Variants in LRP1B observed in about 807,000 individuals in gnomAD.
LRP1B encodes the protein LDL receptor related protein 1B.
Under a neutral mutation model 556.6 loss-of-function variants are expected in LRP1B, and 217 were observed. The observed-to-expected ratio is 0.39, with a 90% CI of 0.35 to 0.44. The LOEUF (loss-of-function observed/expected upper bound fraction) is 0.44. LRP1B is among the 20% of genes least tolerant of loss of function. The pLI, the probability that LRP1B is intolerant of heterozygous loss-of-function variation, is 1.00. For missense variants in LRP1B, 5,053 were observed against 5,620.8 expected (o/e 0.90, Z 3.23); for synonymous variants, 2,047 against 1,865.8 (o/e 1.10, Z -2.50).
intron 25 of LRP1B, 96 bp from the exon 26 acceptor site, chr2:140,868,359 AGGTGAT>A: frequency 8.7e-7 from 1 of 1,148,662 alleles, no homozygotes; most frequent in Non-Finnish European, 1.2e-6. Context: ...GGCACTGGAT[AGGTGAT>A]AAGTCACAAG....
Position 141,822,128 on chromosome 2 carries a change from C to CAGAGAGAGAGAGAGAG in LRP1B, c.83-11728_83-11727insCTCTCTCTCTCTCTCT, listed in dbSNP as rs1364248949. 3.8e-3 allele frequency among the ~76,000 whole-genome samples: 444 copies of CAGAGAGAGAGAGAGAG among 117,072 alleles called. 5 individuals carry two copies. Among genetic ancestry groups the CAGAGAGAGAGAGAGAG allele is most frequent in the African/African-American group, 9.7e-3 (259 of 26,610 alleles). The allele number at this position is 117,072 out of a possible 152,430, so 76.8% of individuals were successfully genotyped here. A position where few individuals can be genotyped will look rare whatever the true frequency, so the allele number is the denominator to read the frequency against. ...ACACACACACACACACACACACACA[C>CAGAGAGAGAGAGAGAG]ACAGAGAGAGAGAGAGAGAGAGAGA... On this transcript the variant is annotated intron_variant, in intron 1 of 90. Coordinates refer to ENST00000389484, the MANE Select transcript of LRP1B (RefSeq NM_018557.3).
At chr2:140,844,890 A>G (rs1692227919) in intron 29 of LRP1B, among the ~76,000 whole-genome samples, 1 of 152,196 alleles carries the variant, frequency 6.6e-6, no homozygotes, top group African/African-American at 2.4e-5. Context: ...AAGTGGGTGC[A>G]ATTATAGAGA....
chr2:140,784,752 G>C (rs867541854), intron 32 of LRP1B, among the ~76,000 whole-genome samples: 19 of 151,424 alleles, frequency 1.3e-4, no homozygotes, highest in Non-Finnish European at 2.4e-4. Context: ...TGAACTCTGA[G>C]AAATTAAAAG....
chr2:140,391,862 G>T (rs1349911824), intron 66 of LRP1B, among the ~76,000 whole-genome samples: 1 of 152,110 alleles, frequency 6.6e-6, no homozygotes, highest in Non-Finnish European at 1.5e-5. Flanking sequence ...AAATGAAACA[G>T]AATTATTCTA....
chr2:141,564,181 T>C (rs1686255485), intron 2 of LRP1B, among the ~76,000 whole-genome samples: 1 of 152,110 alleles, frequency 6.6e-6, no homozygotes, highest in Non-Finnish European at 1.5e-5. Flanking sequence ...TGAAAAAGAT[T>C]CTAGTACATA....
chr2:141,482,106 A>T (rs879407858), intron 2 of LRP1B, among the ~76,000 whole-genome samples: 1 of 152,172 alleles, frequency 6.6e-6, no homozygotes, highest in Non-Finnish European at 1.5e-5. Context: ...AGAATTGCAG[A>T]AGTTTGCAAT....
At chr2:140,993,310 G>A (rs1249343415) in intron 16 of LRP1B, among the ~76,000 whole-genome samples, 1 of 152,012 alleles carries the variant, frequency 6.6e-6, no homozygotes, top group Non-Finnish European at 1.5e-5. Flanking sequence ...CTTAGCCAGT[G>A]ACTCTAATCA....
At chr2:140,837,151 T>C (rs1691934071) in intron 31 of LRP1B, among the ~76,000 whole-genome samples, 1 of 152,224 alleles carries the variant, frequency 6.6e-6, no homozygotes, top group Non-Finnish European at 1.5e-5. Flanking sequence ...GGGCCAGATG[T>C]CTTGCTTCAT....
intron 32 of LRP1B, among the ~76,000 whole-genome samples, chr2:140,800,013 G>C (rs1488587502): frequency 6.6e-6 from 1 of 152,088 alleles, no homozygotes; most frequent in Non-Finnish European, 1.5e-5. Flanking sequence ...GTCCATCAAT[G>C]ATAGACTAGA....
rs556802473 is a variant in LRP1B, at chr2:141,677,283, G to A, written c.205+132996C>T. On this transcript the variant is annotated intron_variant, in intron 2 of 90. Transcript: ENST00000389484. Reference sequence around the variant, plus strand: ...AAAAGAGGAACCCAGGGTGGTTAGAGAAATGAAGTGAAGGGAAACAGAGGC... The same window carrying A: ...AAAAGAGGAACCCAGGGTGGTTAGAAAAATGAAGTGAAGGGAAACAGAGGC... Among the ~76,000 whole-genome samples, 15 of 152,170 alleles carry A rather than the reference G, an allele frequency of 9.9e-5. No individual in the cohort carries two copies. The East Asian group carries it at 2.9e-3, about 29-fold the overall frequency.
In LRP1B at chr2:141,431,806, T is replaced by C. The variant is rs192303051; in HGVS notation, c.343+48590A>G. On this transcript the variant is annotated intron_variant, in intron 3 of 90. Transcript: ENST00000389484. ...TACAGAAATATAATTGATTTTTGTA[T>C]GCTAATCTTGGGTCCTACAAGCTGT... 1.6e-3 allele frequency among the ~76,000 whole-genome samples: 244 copies of C among 152,286 alleles called. 1 individual carries two copies. Among genetic ancestry groups the C allele is most frequent in the Non-Finnish European group, 2.8e-3 (192 of 68,016 alleles).
chr2:141,444,987 G>A (rs1444323752), intron 3 of LRP1B, among the ~76,000 whole-genome samples: 1 of 152,162 alleles, frequency 6.6e-6, no homozygotes, highest in Non-Finnish European at 1.5e-5. Flanking sequence ...GTTTGCAATA[G>A]TTTCAGAAGG....
At chr2:141,708,788 A>T (rs992401722) in intron 2 of LRP1B, among the ~76,000 whole-genome samples, 2 of 152,102 alleles carry the variant, frequency 1.3e-5, no homozygotes, top group Non-Finnish European at 2.9e-5. Context: ...CCGTGTTGTT[A>T]TAAGAAGAAA....
At chr2:141,601,646 T>TTC in intron 2 of LRP1B, among the ~76,000 whole-genome samples, 1 of 104,730 alleles carries the variant, frequency 9.5e-6, no homozygotes, top group Non-Finnish European at 1.9e-5. Context: ...TTCCTTCCTT[T>TTC]TTTTTTCCTT....
intron 2 of LRP1B, among the ~76,000 whole-genome samples, chr2:141,537,946 G>A (rs1202213783): frequency 6.6e-6 from 1 of 152,010 alleles, no homozygotes; most frequent in Non-Finnish European, 1.5e-5. Flanking sequence ...TGAGGGATCC[G>A]CTCCCAACCA....
chr2:141,901,541 A>G (rs1485756546), intron 1 of LRP1B, among the ~76,000 whole-genome samples: 1 of 151,958 alleles, frequency 6.6e-6, no homozygotes, highest in African/African-American at 2.4e-5. Context: ...TTAAATAATA[A>G]TTTGATCATC....
chr2:141,580,407 T>C (rs1429236463), intron 2 of LRP1B, among the ~76,000 whole-genome samples: 2 of 152,210 alleles, frequency 1.3e-5, no homozygotes, highest in South Asian at 4.1e-4. Context: ...AAATACATGA[T>C]CTCTAAATAA....
intron 3 of LRP1B, among the ~76,000 whole-genome samples, chr2:141,464,424 T>A (rs1397405277): frequency 6.6e-6 from 1 of 151,190 alleles, no homozygotes; most frequent in Non-Finnish European, 1.5e-5. Context: ...TGTGACTTTT[T>A]TTTTTTGAGA....
At chr2:140,895,868 C>A (rs1014513421) in intron 23 of LRP1B, among the ~76,000 whole-genome samples, 1 of 152,172 alleles carries the variant, frequency 6.6e-6, no homozygotes, top group Non-Finnish European at 1.5e-5. Flanking sequence ...CAACGCCAAG[C>A]TGTTTTTTTC....
Sources: allele counts gnomAD v4.1 joint callset (sites outside exome capture counted in the v4.1 genomes callset), GRCh38; gene constraint gnomAD v4.1.1; transcripts MANE v1.5; gene names NCBI Gene and HGNC (gene_info 2026-07-23, HGNC 2026-07-21).